SLC6A20: variants seen among roughly 807,000 people sequenced by gnomAD.
SLC6A20 encodes the protein sodium- and chloride-dependent transporter XTRP3.
Under a neutral mutation model 64.3 loss-of-function variants are expected in SLC6A20, and 73 were observed. That is an observed-to-expected ratio of 1.14 (90% confidence interval 0.94 to 1.38). SLC6A20 has a LOEUF of 1.38. SLC6A20 is among the 40% of genes most tolerant of loss of function. The probability of loss-of-function intolerance (pLI) is 0.00; values close to 1 mark genes in which losing one functional copy is unlikely to be tolerated. For synonymous variants in SLC6A20, 347 were observed against 329.6 expected, an observed-to-expected ratio of 1.05 and a Z score of -0.57; for missense variants, 725 against 772.8, an observed-to-expected ratio of 0.94 and a Z score of 0.73.
At chr3:45,771,785 G>A (rs546366583) in intron 5 of SLC6A20, 2 of 424,008 alleles carry the variant, frequency 4.7e-6, no homozygotes, top group African/African-American at 2.0e-5. Context: ...ACCACTATAC[G>A]CCAGTGCGGA....
At chr3:45,780,193 A>AAGGGGC in intron 2 of SLC6A20, 93 bp from the exon 3 acceptor site, 1 of 1,292,666 alleles carries the variant, frequency 7.7e-7, no homozygotes, top group African/African-American at 1.5e-5. Context: ...ACCTGTGGCG[A>AAGGGGC]CCGCCCCGGG....
At chr3:45,762,426 G>T (rs1435539195) in intron 9 of SLC6A20, among the ~76,000 whole-genome samples, 1 of 152,230 alleles carries the variant, frequency 6.6e-6, no homozygotes, top group East Asian at 1.9e-4. Context: ...TCTTGCCCCA[G>T]CTGCACATTC....
chr3:45,758,385 A>G lies in SLC6A20; in HGVS notation c.*593T>C. ...GGTCTGGTCCTGGACCCACCGTCAG[A>G]GACCTTAGAGAAAGGATCCCTTTGG... On this transcript the variant is annotated 3_prime_UTR_variant, in exon 11 of 11. Transcript: ENST00000358525. The G allele has an allele frequency of 7.9e-7, 1 of 1,265,940 alleles. No homozygotes were observed. The highest frequency in any genetic ancestry group is 1.0e-6 in the Non-Finnish European group (1 of 974,212). 78.4% of individuals were successfully genotyped at this position (1,265,940 alleles called of 1,614,324 possible). A position where few individuals can be genotyped will look rare whatever the true frequency, so the allele number is the denominator to read the frequency against.
intron 7 of SLC6A20, among the ~76,000 whole-genome samples, chr3:45,766,366 C>A (rs181089205): frequency 4.6e-4 from 70 of 152,360 alleles, no homozygotes; most frequent in Middle Eastern, 3.4e-3. Context: ...TAGAAGCCCC[C>A]CCACCCGGTT....
In SLC6A20 at chr3:45,757,004, A is replaced by G. The variant is rs1699557351; in HGVS notation, c.*1974T>C. ...GAAACATGTGAGCAAAGGAATCTGT[A>G]TCACGAATAAGTTCAAGGAAAGGTA... is the stretch of plus-strand genomic sequence containing the variant. On this transcript the variant is annotated 3_prime_UTR_variant, in exon 11 of 11. Transcript: ENST00000358525. 3 of 152,114 alleles carry G rather than the reference A, an allele frequency of 2.0e-5. No individual in the cohort carries two copies. Among genetic ancestry groups the G allele is most frequent in the Admixed American group, 2.0e-4 (3 of 15,276 alleles). The allele number at this position is 152,114 out of a possible 1,614,324, so 9.4% of individuals were successfully genotyped here.
chr3:45,766,368 C>T (rs550396451), intron 7 of SLC6A20, among the ~76,000 whole-genome samples: 5 of 152,242 alleles, frequency 3.3e-5, no homozygotes, highest in Admixed American at 2.0e-4. Context: ...GAAGCCCCCC[C>T]ACCCGGTTTA....
chr3:45,768,448 T>C (rs1457977845), intron 7 of SLC6A20, among the ~76,000 whole-genome samples: 1 of 152,140 alleles, frequency 6.6e-6, no homozygotes, highest in East Asian at 1.9e-4. Context: ...GTGCCATCCA[T>C]AAAGGAAAGT....
chr3:45,792,288 G>A (rs1700267705), intron 1 of SLC6A20, among the ~76,000 whole-genome samples: 1 of 152,292 alleles, frequency 6.6e-6, no homozygotes, highest in South Asian at 2.1e-4. Flanking sequence ...TGAGTGCAGG[G>A]TGCTGGGGAG....
rs1157584412 is a variant in SLC6A20, at chr3:45,763,000, A to T, written c.1376T>A (p.Ile459Lys). ...CAGTGTGGCCGCGTAGTCGTTGAAT[A>T]TGTCAAACCAGTAGTTCCCAGCCTC... ...TMEAGNYWFD[I>K]FNDYAATLSL... The change falls in exon 9 of 11, where the codon ATA becomes AAA. Residue 459 changes from isoleucine (I) to lysine (K), a missense_variant. By Grantham distance (102) the Ile-to-Lys change is moderately radical. Coordinates refer to ENST00000358525, the MANE Select transcript of SLC6A20 (RefSeq NM_020208.4). The T allele has an allele frequency of 6.2e-7, 1 of 1,613,978 alleles. No homozygotes were observed. Among genetic ancestry groups the T allele is most frequent in the East Asian group, 2.2e-5 (1 of 44,876 alleles).
chr3:45,779,721 A>G (rs1700036932), intron 3 of SLC6A20, among the ~76,000 whole-genome samples: 1 of 152,194 alleles, frequency 6.6e-6, no homozygotes, highest in African/African-American at 2.4e-5. Context: ...GTGTGGGGTC[A>G]CATCCATCAG....
rs1559564594 is a variant in SLC6A20 at position 45,770,295 on chromosome 3, C to T, written c.1012G>A (p.Gly338Ser). The change falls in exon 7 of 11, where the codon GGC (glycine) becomes AGC (serine). Residue 338 changes from glycine to serine, a missense_variant. Gly to Ser is a moderately conservative substitution (Grantham distance 56, BLOSUM62 0). Transcript: ENST00000358525. ...LTASNLEQVK[G>S]YLASAYPSKY... The stretch of plus-strand genomic sequence containing the variant: ...CTTGGGTAGGCAGATGCGAGGTAGC[C>T]CTTCACCTGCTCCAGGTTGCTGGCT... 1.9e-6 allele frequency: 3 copies of T among 1,614,176 alleles called. No homozygotes were observed. Among genetic ancestry groups the T allele is most frequent in the Admixed American group, 3.3e-5 (2 of 60,018 alleles).
chr3:45,780,720 T>A (rs1428538761), intron 2 of SLC6A20, among the ~76,000 whole-genome samples: 6 of 109,754 alleles, frequency 5.5e-5, no homozygotes, highest in Non-Finnish European at 1.2e-4. Flanking sequence ...GCTCTGGGGC[T>A]GGCCCACACC....
intron 5 of SLC6A20, 76 bp from the exon 6 acceptor site, chr3:45,771,534 G>A: frequency 6.3e-7 from 1 of 1,585,644 alleles, no homozygotes; most frequent in Non-Finnish European, 8.6e-7. Context: ...CAGGAGAGTA[G>A]CCCAGAGAGG....
At chr3:45,794,196 G>T (rs1281077250) in intron 1 of SLC6A20, among the ~76,000 whole-genome samples, 1 of 152,246 alleles carries the variant, frequency 6.6e-6, no homozygotes, top group Non-Finnish European at 1.5e-5. Context: ...TCAGGTGGAG[G>T]AAATATCTTG....
intron 1 of SLC6A20, among the ~76,000 whole-genome samples, chr3:45,785,390 G>T (rs958016147): frequency 1.3e-5 from 2 of 152,160 alleles, no homozygotes. Flanking sequence ...AATCTGATCA[G>T]CTGACAGTGA....
chr3:45,788,447 G>A (rs779030727), intron 1 of SLC6A20, among the ~76,000 whole-genome samples: 16 of 152,158 alleles, frequency 1.1e-4, no homozygotes, highest in Non-Finnish European at 1.6e-4. Context: ...ACAACTGGTA[G>A]AAAAGTACAA....
intron 1 of SLC6A20, among the ~76,000 whole-genome samples, chr3:45,785,402 T>C (rs543905567): frequency 2.6e-5 from 4 of 152,244 alleles, no homozygotes; most frequent in East Asian, 1.9e-4. Context: ...TGACAGTGAA[T>C]ATAAAGCAGG....
At chr3:45,778,363 A>G (rs755491832) in intron 3 of SLC6A20, among the ~76,000 whole-genome samples, 4 of 152,234 alleles carry the variant, frequency 2.6e-5, no homozygotes, top group Non-Finnish European at 1.5e-5. Flanking sequence ...CCCAAAGCAC[A>G]TGTAAGTGAA....
rs553024616 is a variant in SLC6A20 at position 45,758,324 on chromosome 3, G to A, written c.*654C>T. 144 of 770,128 alleles carry A rather than the reference G, an allele frequency of 1.9e-4. No individual in the cohort carries two copies. Among genetic ancestry groups the A allele is most frequent in the Non-Finnish European group, 2.5e-4 (134 of 531,124 alleles). 47.7% of individuals were successfully genotyped at this position (770,128 alleles called of 1,614,324 possible). On this transcript the variant is annotated 3_prime_UTR_variant, in exon 11 of 11. Coordinates refer to ENST00000358525, the MANE Select transcript of SLC6A20 (RefSeq NM_020208.4). The stretch of plus-strand genomic sequence containing the variant: ...GCACAGACTTCTAATGTGGTTTGGG[G>A]TTGCAAACTGTAGTTGGGGCAATTT...
Sources: allele counts gnomAD v4.1 joint callset (sites outside exome capture counted in the v4.1 genomes callset), GRCh38; gene constraint gnomAD v4.1.1; transcripts MANE v1.5; gene names NCBI Gene and HGNC (gene_info 2026-07-23, HGNC 2026-07-21).